ZFP64: variants seen among roughly 807,000 people sequenced by gnomAD.
ZFP64 encodes zinc finger protein 64.
A neutral mutation model predicts 51.6 loss-of-function variants in ZFP64; 14 were observed. The ratio of observed to expected loss-of-function variants is 0.27; its 90% CI spans 0.18 to 0.42. The LOEUF is 0.42. Among genes scored for constraint, ZFP64 ranks in the 10% least tolerant of loss-of-function variants. The probability of loss-of-function intolerance (pLI) is 1.00; values close to 1 mark genes in which losing one functional copy is unlikely to be tolerated. For synonymous variants in ZFP64, 375 were observed against 361.4 expected (o/e 1.04, Z -0.43); for missense variants, 754 against 906.8 (o/e 0.83, Z 2.16).
At chr20:52,103,552 G>A (rs188369814) in intron 5 of ZFP64, among the ~76,000 whole-genome samples, 246 of 152,302 alleles carry the variant, frequency 1.6e-3, no homozygotes, top group African/African-American at 5.9e-3. Context: ...CACTGGGTGC[G>A]GCTCCAGAAG....
intron 5 of ZFP64, among the ~76,000 whole-genome samples, chr20:52,119,533 A>AAAAT (rs1457197109): frequency 8.5e-4 from 76 of 89,828 alleles, no homozygotes; most frequent in African/African-American, 1.8e-3. Context: ...AAAAAAAAAA[A>AAAAT]ATATATATAT....
At chr20:52,121,940 A>T (rs1216080498) in intron 5 of ZFP64, among the ~76,000 whole-genome samples, 2 of 152,320 alleles carry the variant, frequency 1.3e-5, no homozygotes, top group African/African-American at 4.8e-5. Flanking sequence ...ATGATGCTAC[A>T]TCTACTCCAC....
intron 5 of ZFP64, among the ~76,000 whole-genome samples, chr20:52,132,992 A>T (rs1267944389): frequency 6.6e-6 from 1 of 152,198 alleles, no homozygotes; most frequent in Non-Finnish European, 1.5e-5. Context: ...TCAACAATAC[A>T]TTAGAAAGAT....
intron 2 of ZFP64, among the ~76,000 whole-genome samples, chr20:52,183,765 A>T (rs944495304): frequency 6.6e-6 from 1 of 152,316 alleles, no homozygotes; most frequent in East Asian, 1.9e-4. Context: ...ATTATTTTGG[A>T]TGCATTAAGA....
At chr20:52,150,018 C>T (rs751958397), downstream of ZFP64, among the ~76,000 whole-genome samples, 2 of 151,896 alleles carry the variant, frequency 1.3e-5, no homozygotes, top group Non-Finnish European at 2.9e-5. Context: ...ACCATCCTGG[C>T]TACGGTGAAA....
intron 1 of ZFP64, among the ~76,000 whole-genome samples, chr20:52,190,909 C>T (rs1035141883): frequency 2.6e-5 from 4 of 152,022 alleles, no homozygotes; most frequent in Admixed American, 1.3e-4. Context: ...TGGGTGGGGC[C>T]CAGAAAGCTG....
chr20:52,119,557 T>C (rs13037450), intron 5 of ZFP64, among the ~76,000 whole-genome samples: 12 of 83,156 alleles, frequency 1.4e-4, no homozygotes, highest in East Asian at 5.6e-4. Context: ...TATATATACA[T>C]ATATATATAT....
At chr20:52,142,377 GACACACACACACACACAC>G (rs142317072) in intron 5 of ZFP64, among the ~76,000 whole-genome samples, 1 of 118,474 alleles carries the variant, frequency 8.4e-6, no homozygotes, top group African/African-American at 3.3e-5. Flanking sequence ...CACACACACA[GACACACACACACACACAC>G]ACACACACAC....
intron 7 of ZFP64, among the ~76,000 whole-genome samples, chr20:52,094,628 G>A (rs534800672): frequency 1.3e-5 from 2 of 152,262 alleles, no homozygotes; most frequent in Admixed American, 6.5e-5. Context: ...GCGAAATGGG[G>A]CATGCCTGCA....
exon 9 of ZFP64, chr20:52,084,751 A>T: frequency 6.2e-7 from 1 of 1,614,240 alleles, no homozygotes; most frequent in African/African-American, 1.3e-5. Flanking sequence ...CAGGTCTCAC[A>T]GCGGAAGGCC....
rs112449550 is a variant in ZFP64, at chr20:52,106,689, G to A, written c.764-8102C>T. On this transcript the variant is annotated intron_variant, in intron 5 of 8. Coordinates refer to the ZFP64 transcript ENST00000361387. ...ACTTGGGAATATTTGTGTAATGCCC[G>A]GTGAAGTCATGTCAGGTTAAATTTC... Among the ~76,000 whole-genome samples, 432 of 152,248 alleles carry A rather than the reference G, an allele frequency of 2.8e-3. 3 individuals are homozygous for A. Among genetic ancestry groups the A allele is most frequent in the African/African-American group, 9.8e-3 (408 of 41,544 alleles).
intron 2 of ZFP64, among the ~76,000 whole-genome samples, chr20:52,181,866 G>A (rs1568704950): frequency 1.3e-5 from 2 of 152,136 alleles, no homozygotes; most frequent in South Asian, 4.1e-4. Flanking sequence ...ACAATAGGAG[G>A]AATTGCACCC....
At chr20:52,140,733 T>C (rs891847673) in intron 5 of ZFP64, among the ~76,000 whole-genome samples, 8 of 152,156 alleles carry the variant, frequency 5.3e-5, no homozygotes, top group African/African-American at 1.9e-4. Flanking sequence ...GCTAAGATCG[T>C]TGATGAAGGA....
chr20:52,122,806 T>C (rs918603322), intron 5 of ZFP64, among the ~76,000 whole-genome samples: 1 of 152,168 alleles, frequency 6.6e-6, no homozygotes, highest in Non-Finnish European at 1.5e-5. Flanking sequence ...CCTGAACTAC[T>C]GCAATCTCAT....
rs1385641040 is a variant in ZFP64, at chr20:52,102,899, T to TAC, written c.764-4314_764-4313dup. 3.3e-5 allele frequency among the ~76,000 whole-genome samples: 5 copies of TAC among 152,336 alleles called. No homozygotes were observed. The East Asian group carries it at 9.6e-4, about 29-fold the overall frequency. On this transcript the variant is annotated intron_variant, in intron 5 of 8. Coordinates refer to the ZFP64 transcript ENST00000361387. Reference sequence around the variant, plus strand: ...ATGCTATTAGTGTTATTCACTGATATACACACGTAAGATTCTACCAGATTC... The same window carrying TAC: ...ATGCTATTAGTGTTATTCACTGATATACACACACGTAAGATTCTACCAGATTC...
At chr20:52,123,979 C>T (rs1342380537) in intron 5 of ZFP64, among the ~76,000 whole-genome samples, 3 of 151,984 alleles carry the variant, frequency 2.0e-5, no homozygotes, top group East Asian at 1.9e-4. Context: ...ACGCCATTCT[C>T]GTGCCTCAGC....
chr20:52,171,937 A>G (rs2014653), intron 2 of ZFP64, among the ~76,000 whole-genome samples: 48,728 of 151,446 alleles, frequency 0.32, 8,062 homozygotes, highest in East Asian at 0.42. Context: ...TAGTAGAGAT[A>G]GAATTGCACC....
intron 5 of ZFP64, among the ~76,000 whole-genome samples, chr20:52,131,639 T>G (rs1979728175): frequency 6.6e-5 from 10 of 152,122 alleles, no homozygotes. Flanking sequence ...TATATAATGT[T>G]TATAAAGGGG....
chr20:52,140,222 A>C (rs539730396), intron 5 of ZFP64, among the ~76,000 whole-genome samples: 14 of 152,162 alleles, frequency 9.2e-5, no homozygotes, highest in African/African-American at 3.4e-4. Flanking sequence ...TAATAACCCT[A>C]CAATGGCCTC....
Sources: gnomAD v4.1 joint callset for allele counts (sites outside exome capture counted in the v4.1 genomes callset) on GRCh38, gnomAD v4.1.1 for gene constraint, MANE v1.5 for transcripts, NCBI Gene and HGNC (gene_info 2026-07-23, HGNC 2026-07-21) for gene names.